Variants in USP4 observed in about 807,000 individuals in gnomAD.
USP4 encodes the protein ubiquitin carboxyl-terminal hydrolase 4.
Under a neutral mutation model 118.2 loss-of-function variants are expected in USP4, and 72 were observed. The ratio of observed to expected loss-of-function variants is 0.61; its 90% CI spans 0.50 to 0.74. USP4 has a LOEUF of 0.74. USP4 is among the 30% of genes least tolerant of loss of function. The probability of loss-of-function intolerance (pLI) is 0.00; values close to 1 mark genes in which losing one functional copy is unlikely to be tolerated. For synonymous variants in USP4, 415 were observed against 440.4 expected, an observed-to-expected ratio of 0.94 and a Z score of 0.72; for missense variants, 1,037 against 1,185.7, an observed-to-expected ratio of 0.87 and a Z score of 1.84.
intron 6 of USP4, among the ~76,000 whole-genome samples, chr3:49,323,350 C>T (rs1391999583): frequency 6.6e-6 from 1 of 151,168 alleles, no homozygotes; most frequent in African/African-American, 2.4e-5. Context: ...AGAATCATAG[C>T]TCACTGCAGC....
chr3:49,299,416 G>A (rs553590661), intron 11 of USP4, among the ~76,000 whole-genome samples: 21 of 130,844 alleles, frequency 1.6e-4, no homozygotes, highest in South Asian at 4.9e-4. Flanking sequence ...TTTTTGAGAC[G>A]GAGTCTCGCT....
rs141581218 is a variant in USP4, at chr3:49,302,247, T to C, written c.1287+137A>G. 5.7e-6 allele frequency: 4 copies of C among 701,132 alleles called. No homozygotes were observed. The East Asian group carries it at 9.7e-5, about 17-fold the overall frequency. 43.4% of individuals were successfully genotyped at this position (701,132 alleles called of 1,614,324 possible). A position where few individuals can be genotyped will look rare whatever the true frequency, so the allele number is the denominator to read the frequency against. Reference sequence around the variant, plus strand: ...TTAGCCCCTTTCTGACCAGAGACCATATCCCTATAACTAGCTACAGTGAGA... The same window carrying C: ...TTAGCCCCTTTCTGACCAGAGACCACATCCCTATAACTAGCTACAGTGAGA... On this transcript the variant is annotated intron_variant, in intron 10 of 21. Coordinates refer to ENST00000265560, the MANE Select transcript of USP4 (RefSeq NM_003363.4).
At position 49,294,493 on chromosome 3, in the gene USP4, C is replaced by A; in HGVS notation, c.1797G>T (p.Ala599=). 6.2e-7 allele frequency: 1 copy of A among 1,614,176 alleles called. No individual in the cohort carries two copies. Residue 599 remains alanine (A), a synonymous_variant, in exon 14 of 22, where the codon GCG becomes GCT. Transcript: ENST00000265560. ...SRPSSTSSAS[A]LYGQPLLLSV... ...AAAGCAATAGTGGCTGCCCATATAG[C>A]GCTGATGCGGAGGAAGTGCTTGATG...
intron 10 of USP4, among the ~76,000 whole-genome samples, chr3:49,301,631 T>C (rs1221569258): frequency 6.6e-6 from 1 of 151,986 alleles, no homozygotes; most frequent in African/African-American, 2.4e-5. Context: ...GAGGTTGCAG[T>C]GAGCCAAGAT....
intron 1 of USP4, among the ~76,000 whole-genome samples, chr3:49,336,196 G>C (rs1395160670): frequency 8.3e-6 from 1 of 120,742 alleles, no homozygotes; most frequent in Non-Finnish European, 1.6e-5. Context: ...TTGAGACGGA[G>C]TTTTCGCTCT....
Position 49,335,453 on chromosome 3 carries a change from G to A in USP4, c.229+16C>T, listed in dbSNP as rs2047658915. 1.2e-6 allele frequency: 2 copies of A among 1,613,978 alleles called. No individual in the cohort carries two copies. Among genetic ancestry groups the A allele is most frequent in the Non-Finnish European group, 1.7e-6 (2 of 1,180,014 alleles). On this transcript the variant is annotated intron_variant, in intron 2 of 21. Transcript: ENST00000265560. ...CCCAGGTGAATGTTTAGCTAGAAAAGCAACATTTACTATACCTGAAAATAG... is the reference window on the plus strand; with the variant it reads ...CCCAGGTGAATGTTTAGCTAGAAAAACAACATTTACTATACCTGAAAATAG...
Position 49,277,407 on chromosome 3 carries a change from A to G in USP4, c.*886T>C, listed in dbSNP as rs1053275338. On this transcript the variant is annotated 3_prime_UTR_variant, in exon 22 of 22. Coordinates refer to ENST00000265560, the MANE Select transcript of USP4 (RefSeq NM_003363.4). The stretch of plus-strand genomic sequence containing the variant: ...GGGAAGAGTCTTGGCAGGGATGAGG[A>G]AAGAACCCGTTCTAGAAAGCATCTG... 2 of 353,600 alleles carry G rather than the reference A, an allele frequency of 5.7e-6. No homozygotes were observed. The highest frequency in any genetic ancestry group is 4.4e-5 in the African/African-American group (2 of 45,570). 21.9% of individuals were successfully genotyped at this position (353,600 alleles called of 1,614,324 possible).
chr3:49,334,706 G>T (rs1215578237), intron 2 of USP4, among the ~76,000 whole-genome samples: 2 of 152,048 alleles, frequency 1.3e-5, no homozygotes, highest in Admixed American at 1.3e-4. Context: ...TGGTAGAGAC[G>T]GGGTTTCACC....
Position 49,278,903 on chromosome 3 carries a change from C to T in USP4, c.2645-1G>A, listed in dbSNP as rs767745079. 6.2e-7 allele frequency: 1 copy of T among 1,604,360 alleles called. No individual in the cohort carries two copies. The stretch of plus-strand genomic sequence containing the variant: ...AGTTTGTTCTTCGCATATGCAGTGT[C>T]TGCCAAGTCAACAAAGAAAATACTC... On this transcript the variant is annotated splice_acceptor_variant, in intron 20 of 21. Transcript: ENST00000265560. LOFTEE classifies it high-confidence loss of function.
intron 2 of USP4, among the ~76,000 whole-genome samples, chr3:49,329,045 G>A (rs2047586863): frequency 6.6e-6 from 1 of 150,794 alleles, no homozygotes; most frequent in African/African-American, 2.4e-5. Context: ...GGGCATGGTG[G>A]TGCACACCTG....
At chr3:49,321,313 A>G (rs1312054590) in intron 6 of USP4, among the ~76,000 whole-genome samples, 1 of 152,112 alleles carries the variant, frequency 6.6e-6, no homozygotes, top group East Asian at 1.9e-4. Context: ...AAATTACATA[A>G]ACTTACAATT....
At chr3:49,306,308 T>C (rs762604443) in intron 8 of USP4, among the ~76,000 whole-genome samples, 19 of 151,156 alleles carry the variant, frequency 1.3e-4, no homozygotes, top group Non-Finnish European at 2.5e-4. Context: ...GTTCAAGCGA[T>C]TCTCCTGCCT....
chr3:49,310,998 G>C (rs2047376465), intron 7 of USP4, among the ~76,000 whole-genome samples: 1 of 152,174 alleles, frequency 6.6e-6, no homozygotes. Context: ...AATTTTGCCA[G>C]GTGACTTTAG....
At chr3:49,334,612 T>C (rs1279784854) in intron 2 of USP4, among the ~76,000 whole-genome samples, 1 of 151,770 alleles carries the variant, frequency 6.6e-6, no homozygotes, top group Non-Finnish European at 1.5e-5. Context: ...CTGAGAGTGG[T>C]AGAACACTGT....
At chr3:49,291,997 C>T (rs1463838010) in intron 15 of USP4, among the ~76,000 whole-genome samples, 1 of 151,768 alleles carries the variant, frequency 6.6e-6, no homozygotes, top group African/African-American at 2.4e-5. Flanking sequence ...TTAGTAGAGA[C>T]GGGGTTTCAC....
chr3:49,325,670 G>A (rs1575619600), intron 4 of USP4, 49 bp downstream of exon 4: 4 of 1,606,194 alleles, frequency 2.5e-6, no homozygotes, highest in African/African-American at 1.3e-5. Context: ...CAGCCACAAT[G>A]TCCTACACTC....
chr3:49,288,928 G>A (rs1454002379), intron 15 of USP4, among the ~76,000 whole-genome samples: 1 of 152,028 alleles, frequency 6.6e-6, no homozygotes, highest in African/African-American at 2.4e-5. Context: ...TGGGAAACAT[G>A]CAGAAACCCT....
rs796268383 is a variant in USP4 at position 49,277,540 on chromosome 3, C to G, written c.*753G>C. 3 of 205,164 alleles carry G rather than the reference C, an allele frequency of 1.5e-5. No individual in the cohort carries two copies. The highest frequency in any genetic ancestry group is 6.9e-5 in the South Asian group (1 of 14,580). The allele number at this position is 205,164 out of a possible 1,614,324, so 12.7% of individuals were successfully genotyped here. A position where few individuals can be genotyped will look rare whatever the true frequency, so the allele number is the denominator to read the frequency against. On this transcript the variant is annotated 3_prime_UTR_variant, in exon 22 of 22. Transcript: ENST00000265560. Reference sequence around the variant, plus strand: ...TCAAGCCAACATGGAAACAACTAGACGGGACACAGCACCGGGCAGTTTTAT... The same window carrying G: ...TCAAGCCAACATGGAAACAACTAGAGGGGACACAGCACCGGGCAGTTTTAT...
chr3:49,306,494 C>T (rs545680029), intron 8 of USP4, among the ~76,000 whole-genome samples: 4 of 152,168 alleles, frequency 2.6e-5, no homozygotes, highest in South Asian at 2.1e-4. Context: ...TGAGCCACCG[C>T]GCCCAGCCTT....
Sources: allele counts gnomAD v4.1 joint callset (sites outside exome capture counted in the v4.1 genomes callset), GRCh38; gene constraint gnomAD v4.1.1; transcripts MANE v1.5; gene names NCBI Gene and HGNC (gene_info 2026-07-23, HGNC 2026-07-21).